The following TENM4 variants were observed in gnomAD, a reference collection of about 807,000 sequenced individuals.
TENM4 encodes teneurin transmembrane protein 4.
In TENM4, 82 loss-of-function variants were observed where a neutral mutation model predicts 243.3. The ratio of observed to expected loss-of-function variants is 0.34; its 90% CI spans 0.28 to 0.40. The LOEUF (loss-of-function observed/expected upper bound fraction) is 0.40. Among genes scored for constraint, TENM4 ranks in the 10% least tolerant of loss-of-function variants. TENM4 has a pLI of 1.00. For synonymous variants in TENM4, 1,412 were observed against 1,456.3 expected (o/e 0.97, Z 0.69); for missense variants, 3,138 against 3,673.3 (o/e 0.85, Z 3.77).
At chr11:78,957,331 C>T (rs1857227111) in intron 6 of TENM4, among the ~76,000 whole-genome samples, 4 of 151,722 alleles carry the variant, frequency 2.6e-5, no homozygotes, top group Non-Finnish European at 5.9e-5. Flanking sequence ...CAACAAAATC[C>T]CAGGCTCCAC....
chr11:79,294,498 C>T (rs1856412692), intron 2 of TENM4, among the ~76,000 whole-genome samples: 1 of 152,148 alleles, frequency 6.6e-6, no homozygotes, highest in East Asian at 1.9e-4. Flanking sequence ...AGGACACACC[C>T]TCAACATCAG....
In TENM4 at chr11:79,030,452, G is replaced by C. The variant is rs568092358; in HGVS notation, c.493+34286C>G. On this transcript the variant is annotated intron_variant, in intron 6 of 33. Transcript: ENST00000278550. ...CACCCTAGCTTGATTCTATGGGAAGGCTGTGCTGCTATCAAAAAGCTAGAG... is the reference window on the plus strand; with the variant it reads ...CACCCTAGCTTGATTCTATGGGAAGCCTGTGCTGCTATCAAAAAGCTAGAG... Among the ~76,000 whole-genome samples the C allele has an allele frequency of 5.9e-5, 9 of 152,238 alleles. No homozygotes were observed. In the East Asian group the frequency reaches 1.5e-3, roughly 26 times the overall value.
intron 4 of TENM4, among the ~76,000 whole-genome samples, chr11:79,120,726 C>T (rs1182611688): frequency 6.6e-6 from 1 of 152,200 alleles, no homozygotes; most frequent in Middle Eastern, 3.2e-3. Flanking sequence ...TTTGGACATG[C>T]TCTAGGCAGA....
intron 3 of TENM4, among the ~76,000 whole-genome samples, chr11:79,215,209 C>T (rs1864025913): frequency 6.6e-6 from 1 of 152,166 alleles, no homozygotes; most frequent in Non-Finnish European, 1.5e-5. Context: ...TCCACTTTTC[C>T]CATAGAATCC....
chr11:78,879,767 G>A (rs934951590), intron 9 of TENM4, among the ~76,000 whole-genome samples: 5 of 150,224 alleles, frequency 3.3e-5, no homozygotes, highest in African/African-American at 1.2e-4. Flanking sequence ...GCCTCCACCC[G>A]GCCGCCCTGT....
At position 79,083,282 on chromosome 11, in the gene TENM4, C is replaced by T. The variant is rs1368286167; in HGVS notation, c.-65-13273G>A. ...CTGTGCCATCGCAAGCCTTCGGCCTCCGTGCATTCTGTCCCTAGACAAGAT... is the reference window on the plus strand; with the variant it reads ...CTGTGCCATCGCAAGCCTTCGGCCTTCGTGCATTCTGTCCCTAGACAAGAT... On this transcript the variant is annotated intron_variant, in intron 4 of 33. Transcript: ENST00000278550. Among the ~76,000 whole-genome samples, 8 of 152,326 alleles carry T rather than the reference C, an allele frequency of 5.3e-5. No homozygotes were observed. In the South Asian group the frequency reaches 1.5e-3, roughly 28 times the overall value.
chr11:79,428,572 G>T (rs1396125567), intron 1 of TENM4, among the ~76,000 whole-genome samples: 1 of 152,192 alleles, frequency 6.6e-6, no homozygotes, highest in Non-Finnish European at 1.5e-5. Context: ...GAAGTGAACA[G>T]AAAAGAAACA....
intron 1 of TENM4, among the ~76,000 whole-genome samples, chr11:79,428,739 G>T (rs1201703906): frequency 6.6e-6 from 1 of 152,186 alleles, no homozygotes; most frequent in Non-Finnish European, 1.5e-5. Flanking sequence ...CGAGGGCAGG[G>T]GTGGGAAAGA....
At chr11:79,066,676 AC>A (rs547152245) in intron 5 of TENM4, among the ~76,000 whole-genome samples, 182 of 151,874 alleles carry the variant, frequency 1.2e-3, no homozygotes, top group African/African-American at 4.1e-3. Context: ...ACATGCACAC[AC>A]ACGCACGCAT....
chr11:78,857,524 T>A (rs2136211546), intron 10 of TENM4, among the ~76,000 whole-genome samples: 1 of 152,354 alleles, frequency 6.6e-6, no homozygotes, highest in East Asian at 1.9e-4. Context: ...CTTCTCCATA[T>A]GTTATCACTC....
In TENM4 at chr11:78,701,640, C is replaced by T. The variant is rs770678522; in HGVS notation, c.4973G>A (p.Ser1658Asn). Residue 1658 changes from serine to asparagine, a missense_variant, in exon 28 of 34, where the codon AGT (serine) becomes AAT (asparagine). By Grantham distance (46) the Ser-to-Asn change is conservative (BLOSUM62 1). This residue lies in a region of TENM4 where 2,467 missense variants were observed against 3,059.1 expected (regional missense o/e 0.81). Coordinates refer to ENST00000278550, the MANE Select transcript of TENM4 (RefSeq NM_001098816.3). Reference protein sequence around the residue: ...QVYWVTMGTNSALKSVTTQGH... With the variant: ...QVYWVTMGTNNALKSVTTQGH... ...TTGTGTGGTCACACTCTTGAGTGCA[C>T]TGTTGGTGCCCATGGTCACCCAGTA... The T allele has an allele frequency of 1.2e-6, 2 of 1,613,942 alleles. No homozygotes were observed. The highest frequency in any genetic ancestry group is 1.3e-5 in the African/African-American group (1 of 75,038).
chr11:78,933,048 G>A lies in TENM4; in HGVS notation c.494-29525C>T, dbSNP rs138847377. Among the ~76,000 whole-genome samples the A allele has an allele frequency of 2.3e-3, 354 of 152,250 alleles. 8 individuals are homozygous for A. In the East Asian group the frequency reaches 0.045, roughly 19 times the overall value. ...GGGAGATTGATGTACCCTGGAGGCT[G>A]GGAGCAGGACCCGAACTCCGCTCCT... On this transcript the variant is annotated intron_variant, in intron 6 of 33. Coordinates refer to ENST00000278550, the MANE Select transcript of TENM4 (RefSeq NM_001098816.3).
intron 12 of TENM4, among the ~76,000 whole-genome samples, chr11:78,827,629 G>A (rs1436431863): frequency 6.6e-6 from 1 of 152,016 alleles, no homozygotes; most frequent in African/African-American, 2.4e-5. Context: ...AGCTGGGAAT[G>A]CAGGCATGCA....
chr11:79,428,204 T>G (rs1199255109), intron 1 of TENM4, among the ~76,000 whole-genome samples: 1 of 152,208 alleles, frequency 6.6e-6, no homozygotes, highest in African/African-American at 2.4e-5. Context: ...AGTTCTCAGA[T>G]GGTACCTATG....
chr11:78,786,945 C>T lies in TENM4; in HGVS notation c.2318G>A (p.Gly773Asp). Residue 773 changes from glycine to aspartate, a missense_variant, in exon 16 of 34, where the codon GGC (glycine) becomes GAC (aspartate). By Grantham distance (94) the Gly-to-Asp change is moderately conservative (BLOSUM62 -1). Transcript: ENST00000278550. Reference protein sequence around the residue: ...RCAEHGTCRDGKCECSPGWNG... With the variant: ...RCAEHGTCRDDKCECSPGWNG... ...CCAGCCAGGGCTGCACTCGCACTTG[C>T]CGTCGCGGCAGGTCCCATGCTCGGC... 1 of 1,605,804 alleles carries T rather than the reference C, an allele frequency of 6.2e-7. No individual in the cohort carries two copies. Among genetic ancestry groups the T allele is most frequent in the Non-Finnish European group, 8.5e-7 (1 of 1,176,494 alleles).
intron 6 of TENM4, among the ~76,000 whole-genome samples, chr11:78,961,971 CGG>C (rs1857336245): frequency 6.6e-6 from 1 of 152,114 alleles, no homozygotes; most frequent in Non-Finnish European, 1.5e-5. Flanking sequence ...AGCGGCGCCG[CGG>C]GGCAAGAGCG....
rs1237443982 is a variant in TENM4, at chr11:78,670,173, G to A, written c.6172C>T (p.Arg2058Cys). The A allele has an allele frequency of 2.5e-6, 4 of 1,613,836 alleles. No homozygotes were observed. The highest frequency in any genetic ancestry group is 1.3e-5 in the African/African-American group (1 of 74,916). ...NEGFTCTIRYRQIGPLIDRQI... is the reference protein window; with the variant it reads ...NEGFTCTIRYCQIGPLIDRQI... ...CGGTCAATCAGGGGCCCAATCTGAC[G>A]GTAGCGGATGGTGCAGGTGAAGCCC... The change falls in exon 32 of 34, where the codon CGT (arginine) becomes TGT (cysteine). Residue 2058 changes from arginine to cysteine, a missense_variant. Physicochemically the swap from Arg to Cys is radical, Grantham distance 180 (BLOSUM62 -3). Coordinates refer to ENST00000278550, the MANE Select transcript of TENM4 (RefSeq NM_001098816.3).
chr11:79,251,682 C>T (rs1334967166), intron 2 of TENM4, among the ~76,000 whole-genome samples: 1 of 151,692 alleles, frequency 6.6e-6, no homozygotes, highest in Non-Finnish European at 1.5e-5. Context: ...CCTTGACATA[C>T]TAAAATACTC....
At chr11:79,194,542 C>A (rs566611733) in intron 3 of TENM4, among the ~76,000 whole-genome samples, 1 of 152,058 alleles carries the variant, frequency 6.6e-6, no homozygotes, top group Non-Finnish European at 1.5e-5. Context: ...GGAACTGGAG[C>A]AAAGGTGACT....
Sources: allele counts gnomAD v4.1 joint callset (sites outside exome capture counted in the v4.1 genomes callset), GRCh38; gene constraint gnomAD v4.1.1; regional missense constraint gnomAD v4.1.1; transcripts MANE v1.5; gene names NCBI Gene and HGNC (gene_info 2026-07-23, HGNC 2026-07-21).